FGD3: variants seen among roughly 807,000 people sequenced by gnomAD.
FGD3 encodes the protein FYVE, RhoGEF and PH domain containing 3.
In FGD3, 45 loss-of-function variants were observed where a neutral mutation model predicts 71.8. The observed-to-expected ratio is 0.63, with a 90% confidence interval of 0.49 to 0.80. FGD3 has a LOEUF of 0.80. FGD3 is among the 30% of genes least tolerant of loss of function. The pLI is 0.00. For missense variants in FGD3, 844 were observed against 951.5 expected, an observed-to-expected ratio of 0.89 and a Z score of 1.49; for synonymous variants, 378 against 392.8, an observed-to-expected ratio of 0.96 and a Z score of 0.44.
At chr9:92,981,134 C>T (rs1366066850) in intron 3 of FGD3, among the ~76,000 whole-genome samples, 3 of 151,206 alleles carry the variant, frequency 2.0e-5, no homozygotes, top group South Asian at 2.1e-4. Flanking sequence ...TTTGGGAGGC[C>T]GAGGCAGTCG....
At chr9:92,958,098 A>G (rs1350197147) in intron 1 of FGD3, among the ~76,000 whole-genome samples, 2 of 151,512 alleles carry the variant, frequency 1.3e-5, no homozygotes, top group African/African-American at 4.9e-5. Flanking sequence ...TCCCAGGTTC[A>G]AGTGATTCTC....
intron 1 of FGD3, among the ~76,000 whole-genome samples, chr9:92,964,655 T>C (rs1248846666): frequency 6.6e-6 from 1 of 152,188 alleles, no homozygotes; most frequent in Non-Finnish European, 1.5e-5. Flanking sequence ...TGGGGGTGGC[T>C]TAGGCTCTCA....
At chr9:92,971,519 T>G (rs1240252623) in intron 1 of FGD3, among the ~76,000 whole-genome samples, 2 of 151,494 alleles carry the variant, frequency 1.3e-5, no homozygotes, top group Non-Finnish European at 2.9e-5. Flanking sequence ...GTTTGTACAG[T>G]TCAAAGGCGA....
chr9:92,993,296 A>G (rs573030422), intron 3 of FGD3, among the ~76,000 whole-genome samples: 19 of 152,250 alleles, frequency 1.2e-4, no homozygotes, highest in African/African-American at 4.6e-4. Flanking sequence ...AGTCTATTTT[A>G]TCTAACTATG....
intron 1 of FGD3, among the ~76,000 whole-genome samples, chr9:92,970,812 C>T (rs540378508): frequency 2.4e-4 from 36 of 152,302 alleles, no homozygotes; most frequent in African/African-American, 8.7e-4. Context: ...TGCATGTGTG[C>T]ATGCACCTGT....
intron 1 of FGD3, among the ~76,000 whole-genome samples, chr9:92,954,731 C>T (rs1859017540): frequency 6.6e-6 from 1 of 152,190 alleles, no homozygotes; most frequent in Admixed American, 6.5e-5. Context: ...GAATGGGACT[C>T]TTACTTCCAA....
intron 7 of FGD3, 34 bp from the exon 8 acceptor site, chr9:93,011,180 T>C: frequency 1.2e-6 from 2 of 1,613,150 alleles, no homozygotes; most frequent in East Asian, 4.5e-5. Flanking sequence ...GGAGCCACCG[T>C]GGCCCCAGGC....
chr9:92,958,861 A>G (rs1049667669), intron 1 of FGD3, among the ~76,000 whole-genome samples: 2 of 152,268 alleles, frequency 1.3e-5, no homozygotes, highest in Non-Finnish European at 2.9e-5. Flanking sequence ...ATTGAAAATC[A>G]ATTGAACAAA....
chr9:92,979,176 G>A (rs151173361), intron 3 of FGD3, among the ~76,000 whole-genome samples: 188 of 152,140 alleles, frequency 1.2e-3, no homozygotes, highest in African/African-American at 4.3e-3. Context: ...GGGCATCCTT[G>A]TCTTATTTCT....
rs150852636 is a variant in FGD3, at chr9:92,977,328, G to A, written c.453+619G>A. Among the ~76,000 whole-genome samples, 902 of 152,248 alleles carry A rather than the reference G, an allele frequency of 5.9e-3. 5 individuals carry two copies. The highest frequency in any genetic ancestry group is 0.011 in the Non-Finnish European group (716 of 68,014). On this transcript the variant is annotated intron_variant, in intron 3 of 17. Transcript: ENST00000375482. ...TTAGCGTTTATGGGGCTCTTGGCTC[G>A]GTGCTGGGATCTTGGGGAGATGGAG...
At chr9:93,015,868 AGG>A in intron 10 of FGD3, 39 bp downstream of exon 10, 1 of 1,582,152 alleles carries the variant, frequency 6.3e-7, no homozygotes, top group Non-Finnish European at 8.7e-7. Flanking sequence ...TCCCCCTGGA[AGG>A]GGCACTGAGC....
At chr9:92,955,428 C>A (rs899485335) in intron 1 of FGD3, among the ~76,000 whole-genome samples, 6 of 151,928 alleles carry the variant, frequency 3.9e-5, no homozygotes, top group Admixed American at 1.3e-4. Context: ...CCCAGCTACC[C>A]GGGAGGCTGA....
chr9:92,982,396 C>T (rs537087637), intron 3 of FGD3, among the ~76,000 whole-genome samples: 3 of 152,218 alleles, frequency 2.0e-5, no homozygotes, highest in African/African-American at 7.2e-5. Context: ...TGTTGGACAC[C>T]CAGGTTGATT....
chr9:92,973,749 T>C (rs1859621648), intron 1 of FGD3, among the ~76,000 whole-genome samples: 2 of 152,174 alleles, frequency 1.3e-5, no homozygotes, highest in African/African-American at 2.4e-5. Flanking sequence ...GGTGGTTCTT[T>C]CTCTGGCCTC....
chr9:92,981,379 A>G (rs1004138035), intron 3 of FGD3, among the ~76,000 whole-genome samples: 2 of 151,156 alleles, frequency 1.3e-5, no homozygotes, highest in African/African-American at 4.9e-5. Context: ...AAAAAAAAAA[A>G]AAAAAGAAAA....
chr9:92,967,152 G>A (rs1859362735), intron 1 of FGD3, among the ~76,000 whole-genome samples: 1 of 151,920 alleles, frequency 6.6e-6, no homozygotes, highest in Non-Finnish European at 1.5e-5. Context: ...TAGTAGAGAG[G>A]GGGTTTTACC....
chr9:93,001,420 A>C (rs1227948639), intron 3 of FGD3, among the ~76,000 whole-genome samples: 1 of 152,196 alleles, frequency 6.6e-6, no homozygotes, highest in African/African-American at 2.4e-5. Flanking sequence ...AAGTCTGATT[A>C]AAAGAGCCCC....
chr9:92,995,370 T>C (rs1860594763), intron 3 of FGD3, among the ~76,000 whole-genome samples: 1 of 152,212 alleles, frequency 6.6e-6, no homozygotes, highest in African/African-American at 2.4e-5. Context: ...TAAGGAGATT[T>C]TGGGCTGAGA....
chr9:93,022,312 C>CT lies in FGD3; in HGVS notation c.1495-14dup, dbSNP rs753219988. On this transcript the variant is annotated splice_polypyrimidine_tract_variant and intron_variant, in intron 13 of 17. Coordinates refer to ENST00000375482, the MANE Select transcript of FGD3 (RefSeq NM_001083536.2). ...CCTGGAATCTCCTCTCACTCGGCCTCTGTGTCCCTTCTAGATCACGAGCAC... is the reference window on the plus strand; with the variant it reads ...CCTGGAATCTCCTCTCACTCGGCCTCTTGTGTCCCTTCTAGATCACGAGCAC... 94 of 1,609,238 alleles carry CT rather than the reference C, an allele frequency of 5.8e-5. 2 individuals carry two copies. The South Asian group carries it at 1.0e-3, about 18-fold the overall frequency.
Sources: allele counts gnomAD v4.1 joint callset (sites outside exome capture counted in the v4.1 genomes callset), GRCh38; gene constraint gnomAD v4.1.1; transcripts MANE v1.5; gene names NCBI Gene and HGNC (gene_info 2026-07-23, HGNC 2026-07-21).